NDUFA5: variants seen among roughly 807,000 people sequenced by gnomAD.
NDUFA5 encodes the protein NADH:ubiquinone oxidoreductase subunit A5.
NDUFA5 carries 11 observed loss-of-function variants against 19.8 expected under a neutral mutation model. The observed-to-expected ratio is 0.56, with a 90% CI of 0.35 to 0.92. The LOEUF (loss-of-function observed/expected upper bound fraction) is 0.92. NDUFA5 is among the 40% of genes least tolerant of loss of function. The probability of loss-of-function intolerance (pLI) is 0.01; values close to 1 mark genes in which losing one functional copy is unlikely to be tolerated. For synonymous variants in NDUFA5, 47 were observed against 46.8 expected (o/e 1.00, Z -0.01); for missense variants, 109 against 134.2 (o/e 0.81, Z 0.93).
chr7:123,574,750 A>C, the NDUFA5 span, among the ~76,000 whole-genome samples: 1 of 152,086 alleles, frequency 6.6e-6, no homozygotes, highest in Non-Finnish European at 1.5e-5. Flanking sequence ...TCTTACATCA[A>C]GCAATATTTT....
intron 3 of NDUFA5, 114 bp downstream of exon 3, chr7:123,550,356 G>C (rs866496966): frequency 2.9e-6 from 2 of 688,120 alleles, no homozygotes; most frequent in African/African-American, 3.6e-5. Flanking sequence ...GATGGGAAAA[G>C]AGCATTCAAG....
chr7:123,556,913 G>A (rs556640456), intron 2 of NDUFA5: 13 of 501,204 alleles, frequency 2.6e-5, no homozygotes, highest in South Asian at 1.9e-4. Flanking sequence ...GTAAAGTGAA[G>A]CAAAGAAATG....
intron 3 of NDUFA5, chr7:123,546,949 T>C: frequency 2.7e-6 from 1 of 372,092 alleles, no homozygotes; most frequent in East Asian, 7.4e-5. Flanking sequence ...GAATTATCCA[T>C]ATAGTCCCTA....
chr7:123,598,495 C>T, the NDUFA5 span, among the ~76,000 whole-genome samples: 2 of 151,676 alleles, frequency 1.3e-5, no homozygotes, highest in African/African-American at 2.4e-5. Context: ...GTACTTTGTT[C>T]GCAAAAGGAA....
At chr7:123,588,609 C>T in the NDUFA5 span, among the ~76,000 whole-genome samples, 1 of 147,508 alleles carries the variant, frequency 6.8e-6, no homozygotes, top group African/African-American at 2.5e-5. Context: ...CTTTTTTCTA[C>T]TAACTTTGGG....
At chr7:123,584,825 T>G in the NDUFA5 span, 1 of 151,900 alleles carries the variant, frequency 6.6e-6, no homozygotes, top group Non-Finnish European at 1.5e-5. Context: ...TTCCATTAGT[T>G]CAAAAGAAAA....
chr7:123,555,459 A>C (rs1029143280), intron 2 of NDUFA5: 3 of 152,204 alleles, frequency 2.0e-5, no homozygotes, highest in African/African-American at 7.2e-5. Flanking sequence ...AAAAATCATC[A>C]TTGGAATGAA....
At chr7:123,594,347 A>G in the NDUFA5 span, among the ~76,000 whole-genome samples, 1 of 152,062 alleles carries the variant, frequency 6.6e-6, no homozygotes, top group African/African-American at 2.4e-5. Flanking sequence ...GTTCCTTTGG[A>G]GGAGAAGAGG....
chr7:123,597,116 G>A, the NDUFA5 span, among the ~76,000 whole-genome samples: 4 of 152,154 alleles, frequency 2.6e-5, no homozygotes, highest in Admixed American at 2.6e-4. Flanking sequence ...AAAAATCCTA[G>A]CAATAAACAA....
chr7:123,560,592 A>G (rs1449976974), upstream of NDUFA5, among the ~76,000 whole-genome samples: 2 of 152,218 alleles, frequency 1.3e-5, no homozygotes, highest in African/African-American at 4.8e-5. Context: ...AAGGCTGATA[A>G]GTTTAAGACC....
At chr7:123,559,083 G>GA (rs1798651207), upstream of NDUFA5, among the ~76,000 whole-genome samples, 1 of 150,796 alleles carries the variant, frequency 6.6e-6, no homozygotes. Context: ...GTGAAACTAA[G>GA]AAAAAAAAGA....
the NDUFA5 span, among the ~76,000 whole-genome samples, chr7:123,576,112 G>A: frequency 6.6e-6 from 1 of 150,698 alleles, no homozygotes; most frequent in Non-Finnish European, 1.5e-5. Context: ...TTATCCTTAA[G>A]ACTTTCTTTA....
At chr7:123,583,388 T>G in the NDUFA5 span, among the ~76,000 whole-genome samples, 1 of 151,866 alleles carries the variant, frequency 6.6e-6, no homozygotes, top group African/African-American at 2.4e-5. Flanking sequence ...AACCATGAAG[T>G]GTAGCAAATT....
the NDUFA5 span, among the ~76,000 whole-genome samples, chr7:123,586,655 C>T: frequency 6.6e-6 from 1 of 151,688 alleles, no homozygotes; most frequent in Non-Finnish European, 1.5e-5. Context: ...ACACCTCCCC[C>T]AGCCAACCCC....
chr7:123,591,496 G>A, the NDUFA5 span, among the ~76,000 whole-genome samples: 1 of 152,108 alleles, frequency 6.6e-6, no homozygotes, highest in African/African-American at 2.4e-5. Context: ...TTTATTGAGA[G>A]TTTTAACATG....
chr7:123,537,796 T>A lies in NDUFA5; in HGVS notation c.*4323A>T, dbSNP rs1797796139. On this transcript the variant is annotated 3_prime_UTR_variant, in exon 5 of 5. Transcript: ENST00000355749. Reference sequence around the variant, plus strand: ...TGGTGAAAAATAATTCACCCTCCAGTTATAGAGAGATTAAAATGCCAATAT... The same window carrying A: ...TGGTGAAAAATAATTCACCCTCCAGATATAGAGAGATTAAAATGCCAATAT... 6.6e-6 allele frequency: 1 copy of A among 151,284 alleles called. No individual in the cohort carries two copies. Among genetic ancestry groups the A allele is most frequent in the Admixed American group, 6.6e-5 (1 of 15,120 alleles). The allele number at this position is 151,284 out of a possible 1,614,324, so 9.4% of individuals were successfully genotyped here.
rs75567712 is a variant in NDUFA5 at position 123,540,286 on chromosome 7, T to C, written c.*1833A>G. ...GTTATAATATTATTTTTACAATGACTATTATTCTGCAACTAGCATTTCTAA... is the reference window on the plus strand; with the variant it reads ...GTTATAATATTATTTTTACAATGACCATTATTCTGCAACTAGCATTTCTAA... On this transcript the variant is annotated 3_prime_UTR_variant, in exon 5 of 5. Coordinates refer to ENST00000355749, the MANE Select transcript of NDUFA5 (RefSeq NM_005000.5). The C allele has an allele frequency of 3.9e-5, 6 of 152,316 alleles. No homozygotes were observed. The East Asian group carries it at 1.2e-3, about 29-fold the overall frequency. The allele number at this position is 152,316 out of a possible 1,614,324, so 9.4% of individuals were successfully genotyped here.
At chr7:123,567,374 G>A in the NDUFA5 span, among the ~76,000 whole-genome samples, 2 of 152,134 alleles carry the variant, frequency 1.3e-5, no homozygotes, top group Admixed American at 1.3e-4. Flanking sequence ...AGGTTAGTAG[G>A]CCAGATCCAG....
the NDUFA5 span, among the ~76,000 whole-genome samples, chr7:123,594,124 T>A: frequency 6.6e-6 from 1 of 152,148 alleles, no homozygotes; most frequent in Non-Finnish European, 1.5e-5. Flanking sequence ...GGTTTTCAGC[T>A]CCATCAGGTC....
Sources: gnomAD v4.1 joint callset for allele counts (sites outside exome capture counted in the v4.1 genomes callset) on GRCh38, gnomAD v4.1.1 for gene constraint, MANE v1.5 for transcripts, NCBI Gene and HGNC (gene_info 2026-07-23, HGNC 2026-07-21) for gene names.